The following STXBP6 variants were observed in gnomAD, a reference collection of about 807,000 sequenced individuals.
STXBP6 encodes syntaxin binding protein 6, also known as syntaxin-binding protein 6.
In STXBP6, 21 loss-of-function variants were observed where a neutral mutation model predicts 26.9. The observed-to-expected ratio is 0.78, with a 90% confidence interval of 0.55 to 1.12. STXBP6 has a LOEUF of 1.12. Among genes scored for constraint, STXBP6 ranks in the 50% most tolerant of loss-of-function variants. STXBP6 has a pLI of 0.00. For synonymous variants in STXBP6, 97 were observed against 92.6 expected, an observed-to-expected ratio of 1.05 and a Z score of -0.27; for missense variants, 232 against 257.9, an observed-to-expected ratio of 0.90 and a Z score of 0.69.
intron 2 of STXBP6, among the ~76,000 whole-genome samples, chr14:24,974,347 A>G (rs543419774): frequency 3.9e-5 from 6 of 152,382 alleles, no homozygotes; most frequent in East Asian, 1.9e-4. Flanking sequence ...TTCTAAAACG[A>G]GAATTCCAGA....
intron 4 of STXBP6, among the ~76,000 whole-genome samples, chr14:24,824,499 T>C (rs1208956958): frequency 6.6e-6 from 1 of 152,196 alleles, no homozygotes; most frequent in South Asian, 2.1e-4. Context: ...TGGCTCTTAA[T>C]CCACAAAGTC....
intron 2 of STXBP6, among the ~76,000 whole-genome samples, chr14:24,932,368 T>C (rs2072448473): frequency 6.6e-6 from 1 of 152,180 alleles, no homozygotes; most frequent in African/African-American, 2.4e-5. Flanking sequence ...TTAAAGTTTC[T>C]TTGGCTTAGC....
rs558162219 is a variant in STXBP6, at chr14:25,029,295, C to T, written c.-33+20583G>A. ...TATTTTAAGAAATTGCCACAGCTACCCCAACCTTCAGCACCACCATTCTGA... is the reference window on the plus strand; with the variant it reads ...TATTTTAAGAAATTGCCACAGCTACTCCAACCTTCAGCACCACCATTCTGA... On this transcript the variant is annotated intron_variant, in intron 1 of 5. Coordinates refer to ENST00000323944, the MANE Select transcript of STXBP6 (RefSeq NM_001394410.1). Among the ~76,000 whole-genome samples, 6 of 152,166 alleles carry T rather than the reference C, an allele frequency of 3.9e-5. No individual in the cohort carries two copies. In the East Asian group the frequency reaches 7.7e-4, roughly 20 times the overall value.
intron 1 of STXBP6, among the ~76,000 whole-genome samples, chr14:25,026,086 C>T (rs1303653199): frequency 1.3e-5 from 2 of 152,142 alleles, no homozygotes; most frequent in African/African-American, 4.8e-5. Flanking sequence ...TAGGACTCCA[C>T]CAACTGCTAT....
At chr14:24,919,461 G>T (rs2071898730) in intron 2 of STXBP6, among the ~76,000 whole-genome samples, 1 of 149,784 alleles carries the variant, frequency 6.7e-6, no homozygotes. Flanking sequence ...CAAATTTTAA[G>T]TTACCTTTAC....
At chr14:24,970,240 C>CAAA (rs59422065) in intron 2 of STXBP6, among the ~76,000 whole-genome samples, 18 of 117,968 alleles carry the variant, frequency 1.5e-4, no homozygotes, top group Admixed American at 3.5e-4. Flanking sequence ...GACTCCGTCT[C>CAAA]AAAAAAAAAA....
intron 4 of STXBP6, among the ~76,000 whole-genome samples, chr14:24,827,691 T>C (rs1227644091): frequency 1.3e-5 from 2 of 152,208 alleles, no homozygotes; most frequent in East Asian, 1.9e-4. Context: ...GTAGCCTGGA[T>C]GTTGTTCCTG....
chr14:24,928,619 C>A (rs1172765839), intron 2 of STXBP6, among the ~76,000 whole-genome samples: 4 of 152,124 alleles, frequency 2.6e-5, no homozygotes, highest in African/African-American at 9.7e-5. Flanking sequence ...TACTGATAAA[C>A]CTAAATATAG....
chr14:24,986,598 G>A (rs2074338818), intron 1 of STXBP6, among the ~76,000 whole-genome samples: 1 of 152,132 alleles, frequency 6.6e-6, no homozygotes, highest in African/African-American at 2.4e-5. Flanking sequence ...GGGAAAATAG[G>A]AATCCGTCTA....
chr14:24,903,074 G>C (rs1453290204), intron 2 of STXBP6, among the ~76,000 whole-genome samples: 1 of 152,176 alleles, frequency 6.6e-6, no homozygotes, highest in Non-Finnish European at 1.5e-5. Context: ...CAAGCAACTT[G>C]TGATCATTTA....
chr14:24,949,046 GAT>G (rs776079734), intron 2 of STXBP6, among the ~76,000 whole-genome samples: 66 of 152,234 alleles, frequency 4.3e-4, no homozygotes, highest in Non-Finnish European at 7.1e-4. Context: ...TAGCTGGAAA[GAT>G]AAGGAAAGAA....
chr14:24,953,099 C>T (rs1010578379), intron 2 of STXBP6, among the ~76,000 whole-genome samples: 8 of 152,148 alleles, frequency 5.3e-5, no homozygotes, highest in Non-Finnish European at 1.2e-4. Context: ...GAATCAGTTC[C>T]TTGCCCCTTC....
chr14:24,971,990 T>C (rs957700964), intron 2 of STXBP6, among the ~76,000 whole-genome samples: 4 of 152,328 alleles, frequency 2.6e-5, no homozygotes, highest in African/African-American at 9.6e-5. Context: ...GGGATGTAAC[T>C]GATATGCCTC....
intron 1 of STXBP6, among the ~76,000 whole-genome samples, chr14:25,007,358 C>T (rs749457932): frequency 4.6e-5 from 7 of 152,182 alleles, no homozygotes; most frequent in Non-Finnish European, 8.8e-5. Flanking sequence ...TGCTTTCTGA[C>T]GGTGACTGTG....
chr14:24,859,673 A>G (rs2069462759), intron 2 of STXBP6, among the ~76,000 whole-genome samples: 1 of 152,162 alleles, frequency 6.6e-6, no homozygotes, highest in South Asian at 2.1e-4. Context: ...TGGAAAATGC[A>G]ACCAAATTAT....
chr14:25,005,174 T>C (rs1403772909), intron 1 of STXBP6, among the ~76,000 whole-genome samples: 1 of 152,192 alleles, frequency 6.6e-6, no homozygotes, highest in East Asian at 1.9e-4. Flanking sequence ...AAAGGGGATT[T>C]ATTTGAGAAA....
At chr14:25,041,256 A>C (rs990434719) in intron 1 of STXBP6, among the ~76,000 whole-genome samples, 12 of 152,160 alleles carry the variant, frequency 7.9e-5, no homozygotes, top group Non-Finnish European at 1.6e-4. Flanking sequence ...CAGGAGGCAG[A>C]GTGAGCATGT....
intron 2 of STXBP6, among the ~76,000 whole-genome samples, chr14:24,859,062 G>C (rs1261706100): frequency 6.6e-6 from 1 of 152,028 alleles, no homozygotes; most frequent in Non-Finnish European, 1.5e-5. Context: ...AACACAACTC[G>C]AGATCACTGT....
At chr14:24,865,959 C>T (rs1046227013) in intron 2 of STXBP6, among the ~76,000 whole-genome samples, 17 of 151,966 alleles carry the variant, frequency 1.1e-4, no homozygotes, top group Non-Finnish European at 5.9e-5. Flanking sequence ...AATAACTAAA[C>T]GAAACCACTA....
Sources: gnomAD v4.1 joint callset for allele counts (sites outside exome capture counted in the v4.1 genomes callset) on GRCh38, gnomAD v4.1.1 for gene constraint, MANE v1.5 for transcripts, NCBI Gene and HGNC (gene_info 2026-07-23, HGNC 2026-07-21) for gene names.